Variants in ERAP1 observed in about 807,000 individuals in gnomAD.
ERAP1 encodes the protein adipocyte-derived leucine aminopeptidase.
A neutral mutation model predicts 103.7 loss-of-function variants in ERAP1; 86 were observed. That is an observed-to-expected ratio of 0.83 (90% CI 0.70 to 0.99). ERAP1 has a LOEUF of 0.99. Ranked by LOEUF, ERAP1 falls within the 50% of genes least tolerant of loss-of-function variation. The pLI, the probability that ERAP1 is intolerant of heterozygous loss-of-function variation, is 0.00. For missense variants in ERAP1, 1,009 were observed against 1,128.4 expected, an observed-to-expected ratio of 0.89 and a Z score of 1.52; for synonymous variants, 398 against 402.4, an observed-to-expected ratio of 0.99 and a Z score of 0.13.
At chr5:96,912,634 C>G in the ERAP1 span, 4 of 1,595,288 alleles carry the variant, frequency 2.5e-6, no homozygotes, top group Non-Finnish European at 3.4e-6. Flanking sequence ...CTTGATATTA[C>G]AGTATACCAA....
In ERAP1 at chr5:96,775,896, G is replaced by T; in HGVS notation, c.*500C>A. ...AAGCTTGATGACTTGGCCTTTACAA[G>T]TCAGCCCCTGGGCATGGAGCAAGGA... is the stretch of plus-strand genomic sequence containing the variant. On this transcript the variant is annotated 3_prime_UTR_variant, in exon 19 of 19. Coordinates refer to ENST00000443439, the MANE Select transcript of ERAP1 (RefSeq NM_001040458.3). 1.1e-6 allele frequency: 1 copy of T among 946,218 alleles called. No homozygotes were observed. The allele number at this position is 946,218 out of a possible 1,614,324, so 58.6% of individuals were successfully genotyped here. A position where few individuals can be genotyped will look rare whatever the true frequency, so the allele number is the denominator to read the frequency against.
At chr5:96,877,370 C>G in the ERAP1 span, among the ~76,000 whole-genome samples, 7 of 152,228 alleles carry the variant, frequency 4.6e-5, no homozygotes, top group Non-Finnish European at 1.0e-4. Flanking sequence ...AAGCTTTTCT[C>G]TCTACTCTTA....
the ERAP1 span, among the ~76,000 whole-genome samples, chr5:96,874,182 G>GAAAGAAAGAA: frequency 1.2e-4 from 18 of 147,114 alleles, no homozygotes; most frequent in African/African-American, 2.3e-4. Flanking sequence ...AAGAAAGAAA[G>GAAAGAAAGAA]AGAGAGAGAA....
chr5:96,767,978 A>C, intron 19 of ERAP1: 1 of 1,612,024 alleles, frequency 6.2e-7, no homozygotes, highest in Admixed American at 1.7e-5. Context: ...CCACTACAGA[A>C]ACCTCACAGA....
chr5:96,765,265 C>A, intron 19 of ERAP1: 1 of 1,597,266 alleles, frequency 6.3e-7, no homozygotes, highest in Non-Finnish European at 8.5e-7. Context: ...AACTCTCTGA[C>A]AGTCTAGGAC....
chr5:96,841,855 G>A, the ERAP1 span, among the ~76,000 whole-genome samples: 30 of 143,462 alleles, frequency 2.1e-4, no homozygotes, highest in Non-Finnish European at 3.8e-4. Context: ...AAGTTCTTTA[G>A]TGGTGATTTT....
At chr5:96,871,011 T>A in the ERAP1 span, among the ~76,000 whole-genome samples, 1 of 152,228 alleles carries the variant, frequency 6.6e-6, no homozygotes, top group African/African-American at 2.4e-5. Context: ...TGCATATTGA[T>A]CATTGATCAG....
chr5:96,778,901 T>C (rs1238435875), intron 18 of ERAP1, among the ~76,000 whole-genome samples: 2 of 152,192 alleles, frequency 1.3e-5, no homozygotes. Context: ...ATGACTCCCG[T>C]ATTTTATATG....
chr5:96,896,833 G>T, the ERAP1 span: 95 of 1,206,550 alleles, frequency 7.9e-5, 1 homozygote, highest in Non-Finnish European at 9.4e-5. Context: ...GAAATGCTAA[G>T]AATGATGACT....
At chr5:96,880,926 T>C in the ERAP1 span, 1 of 158,248 alleles carries the variant, frequency 6.3e-6, no homozygotes, top group African/African-American at 2.4e-5. Context: ...AGGCTGGAGA[T>C]TGAAACTAAT....
At chr5:96,905,997 T>A in the ERAP1 span, among the ~76,000 whole-genome samples, 5 of 150,792 alleles carry the variant, frequency 3.3e-5, no homozygotes, top group Admixed American at 2.7e-4. Context: ...CAGGCTGATA[T>A]TGAATTCCTG....
In ERAP1 at chr5:96,776,343, T is replaced by C. The variant is rs1774293506; in HGVS notation, c.*53A>G. On this transcript the variant is annotated 3_prime_UTR_variant, in exon 19 of 19. Coordinates refer to ENST00000443439, the MANE Select transcript of ERAP1 (RefSeq NM_001040458.3). ...AGCCATCTCTAGTTTGAAAATACAC[T>C]CAACAAAATGTTGGTGATTAGAGAT... 3 of 1,572,702 alleles carry C rather than the reference T, an allele frequency of 1.9e-6. No individual in the cohort carries two copies. The highest frequency in any genetic ancestry group is 2.4e-5 in the South Asian group (2 of 84,558).
intron 19 of ERAP1, chr5:96,765,360 AAT>A: frequency 1.2e-6 from 1 of 858,146 alleles, no homozygotes; most frequent in Non-Finnish European, 1.7e-6. Flanking sequence ...AAAATTCACT[AAT>A]AGTGAAATTT....
At chr5:96,786,915 A>G (rs973987621) in intron 11 of ERAP1, among the ~76,000 whole-genome samples, 6 of 152,218 alleles carry the variant, frequency 3.9e-5, no homozygotes, top group African/African-American at 1.4e-4. Flanking sequence ...TGTCAATGAT[A>G]TGTAAGCTGA....
At chr5:96,871,248 T>G in the ERAP1 span, among the ~76,000 whole-genome samples, 1 of 152,204 alleles carries the variant, frequency 6.6e-6, no homozygotes, top group Non-Finnish European at 1.5e-5. Context: ...GGCAGAAAGC[T>G]GGGAAAATCA....
intron 10 of ERAP1, among the ~76,000 whole-genome samples, 155 bp from the exon 11 acceptor site, chr5:96,788,840 C>T (rs1776400259): frequency 6.6e-6 from 1 of 152,190 alleles, no homozygotes; most frequent in African/African-American, 2.4e-5. Context: ...TGTCCCCAGC[C>T]ATCACACCTC....
the ERAP1 span, chr5:96,912,808 ATAATT>A: frequency 6.3e-7 from 1 of 1,582,858 alleles, no homozygotes; most frequent in Non-Finnish European, 8.5e-7. Flanking sequence ...AGTAAGTTCA[ATAATT>A]TAACTAAATT....
At chr5:96,791,751 A>G (rs26511) in intron 8 of ERAP1, among the ~76,000 whole-genome samples, 50,409 of 152,138 alleles carry the variant, frequency 0.33, 8,499 homozygotes, top group Admixed American at 0.38. Flanking sequence ...CGAGGGCAGG[A>G]ATTTTTGTCT....
At chr5:96,868,700 C>T in the ERAP1 span, among the ~76,000 whole-genome samples, 154 of 150,448 alleles carry the variant, frequency 1.0e-3, no homozygotes, top group Non-Finnish European at 1.9e-3. Flanking sequence ...TAGACGTCAC[C>T]CCGAGTTTCC....
Sources: gnomAD v4.1 joint callset for allele counts (sites outside exome capture counted in the v4.1 genomes callset) on GRCh38, gnomAD v4.1.1 for gene constraint, MANE v1.5 for transcripts, NCBI Gene and HGNC (gene_info 2026-07-23, HGNC 2026-07-21) for gene names.